Variants in TENM2 observed in about 807,000 individuals in gnomAD.
The protein encoded by TENM2 is teneurin transmembrane protein 2, also known as teneurin-2.
Under a neutral mutation model 245.2 loss-of-function variants are expected in TENM2, and 52 were observed. The observed-to-expected ratio is 0.21, with a 90% confidence interval of 0.17 to 0.27. The LOEUF (loss-of-function observed/expected upper bound fraction) is 0.27, where lower values mean the gene tolerates loss of function less well. Among genes scored for constraint, TENM2 ranks in the 10% least tolerant of loss-of-function variants. TENM2 has a pLI of 1.00. For missense variants in TENM2, 3,046 were observed against 3,666.8 expected, an observed-to-expected ratio of 0.83 and a Z score of 4.37; for synonymous variants, 1,363 against 1,438.9, an observed-to-expected ratio of 0.95 and a Z score of 1.19.
intron 1 of TENM2, among the ~76,000 whole-genome samples, chr5:167,357,729 T>G (rs970509632): frequency 1.1e-4 from 17 of 152,206 alleles, no homozygotes; most frequent in Non-Finnish European, 4.4e-5. Flanking sequence ...TTCTCATATG[T>G]TTTTGAAGTT....
At chr5:168,226,310 C>A in intron 24 of TENM2, 47 bp downstream of exon 26, 1 of 1,565,982 alleles carries the variant, frequency 6.4e-7, no homozygotes, top group South Asian at 1.2e-5. Context: ...ACCCATAGAC[C>A]CAGAACCCAG....
At chr5:167,475,245 G>GT (rs1767296038) in intron 2 of TENM2, among the ~76,000 whole-genome samples, 1 of 152,114 alleles carries the variant, frequency 6.6e-6, no homozygotes, top group South Asian at 2.1e-4. Context: ...AATATCACAT[G>GT]TACCTAGAAC....
chr5:168,084,750 A>G (rs1179800666), intron 7 of TENM2, among the ~76,000 whole-genome samples: 2 of 152,218 alleles, frequency 1.3e-5, no homozygotes, highest in African/African-American at 2.4e-5. Context: ...CAGCTCCCAA[A>G]GCCACTTACA....
chr5:168,218,750 G>A lies in TENM2; in HGVS notation c.4859G>A (p.Ser1620Asn). The A allele has an allele frequency of 1.2e-6, 2 of 1,614,018 alleles. No individual in the cohort carries two copies. The highest frequency in any genetic ancestry group is 1.7e-6 in the Non-Finnish European group (2 of 1,179,896). Residue 1620 changes from serine (S) to asparagine (N), a missense_variant, in exon 23 of 29, where the codon AGT becomes AAT. By Grantham distance (46) the Ser-to-Asn change is conservative. Transcript: ENST00000518659. This position sits in a 1 kb window ranked among gnomAD's most constrained non-coding sequence, Gnocchi z 5.2. ...GAGTACTTGTACAATTTCACATATA[G>A]TACTGACAATGATGTCACTGAATTG...
At chr5:167,117,372 G>A in the TENM2 span, among the ~76,000 whole-genome samples, 2 of 152,048 alleles carry the variant, frequency 1.3e-5, no homozygotes, top group African/African-American at 2.4e-5. Context: ...GTGTGGTGGC[G>A]AGCACCTGTA....
chr5:167,006,895 G>A, the TENM2 span, among the ~76,000 whole-genome samples: 1 of 152,068 alleles, frequency 6.6e-6, no homozygotes, highest in Non-Finnish European at 1.5e-5. Context: ...TTGAACTCCC[G>A]ACCTCAGGTG....
chr5:167,567,538 A>G (rs529838080), intron 2 of TENM2, among the ~76,000 whole-genome samples: 1 of 152,302 alleles, frequency 6.6e-6, no homozygotes, highest in African/African-American at 2.4e-5. Context: ...ATGGGTCAAC[A>G]CAAACTGACT....
the TENM2 span, among the ~76,000 whole-genome samples, chr5:167,162,237 A>G: frequency 6.6e-6 from 1 of 151,950 alleles, no homozygotes; most frequent in Non-Finnish European, 1.5e-5. Context: ...AATCTAAGAT[A>G]GTGATCACTG....
chr5:168,226,008 G>C (rs1453936064), intron 23 of TENM2, 80 bp from the exon 26 acceptor site: 3 of 1,347,034 alleles, frequency 2.2e-6, no homozygotes, highest in Non-Finnish European at 3.0e-6. Context: ...TCTTTCTCTG[G>C]CCCTGTGAGT....
intron 2 of TENM2, among the ~76,000 whole-genome samples, chr5:167,760,407 A>G (rs955305966): frequency 6.6e-6 from 1 of 152,200 alleles, no homozygotes; most frequent in Non-Finnish European, 1.5e-5. Flanking sequence ...GAGGAAGTGC[A>G]TGGTGCTCTG....
chr5:167,400,486 A>G (rs1041649655), intron 2 of TENM2, among the ~76,000 whole-genome samples: 1 of 152,098 alleles, frequency 6.6e-6, no homozygotes, highest in Non-Finnish European at 1.5e-5. Flanking sequence ...TATGAAGTAT[A>G]TATTTTCTTG....
intron 1 of TENM2, chr5:167,287,354 C>T (rs1315564063): frequency 6.6e-6 from 1 of 152,098 alleles, no homozygotes; most frequent in Non-Finnish European, 1.5e-5. Context: ...TTTTCTTATT[C>T]ATGAAATCAA....
chr5:167,405,704 A>G (rs1488173807), intron 2 of TENM2, among the ~76,000 whole-genome samples: 2 of 151,220 alleles, frequency 1.3e-5, no homozygotes. Context: ...TCACCCTGTA[A>G]TTTTAGGACA....
At chr5:167,937,251 A>T (rs1434761814) in intron 3 of TENM2, among the ~76,000 whole-genome samples, 1 of 152,224 alleles carries the variant, frequency 6.6e-6, no homozygotes, top group African/African-American at 2.4e-5. Context: ...TATATGAATT[A>T]CTATACTTTG....
chr5:167,155,794 A>G, the TENM2 span, among the ~76,000 whole-genome samples: 1 of 152,262 alleles, frequency 6.6e-6, no homozygotes, highest in Non-Finnish European at 1.5e-5. Context: ...AGTGAAAAGC[A>G]GGAAGCAACG....
intron 2 of TENM2, among the ~76,000 whole-genome samples, chr5:167,707,044 G>A (rs1388523566): frequency 2.1e-5 from 3 of 145,104 alleles, no homozygotes; most frequent in Non-Finnish European, 3.0e-5. Context: ...AAAAAGGGTT[G>A]CCCTTTCTCC....
chr5:167,284,557 A>C (rs551520894), upstream of TENM2, among the ~76,000 whole-genome samples: 11 of 151,704 alleles, frequency 7.3e-5, no homozygotes, highest in African/African-American at 2.7e-4. Context: ...AAATCTATTA[A>C]ATTAAACAGC....
intron 2 of TENM2, among the ~76,000 whole-genome samples, chr5:167,431,954 T>C (rs905139483): frequency 3.7e-5 from 2 of 53,964 alleles, no homozygotes; most frequent in African/African-American, 5.3e-5. Context: ...TATATGTATA[T>C]ATATATGTAT....
At chr5:167,210,475 G>A in the TENM2 span, among the ~76,000 whole-genome samples, 1 of 28,114 alleles carries the variant, frequency 3.6e-5, no homozygotes, top group Non-Finnish European at 6.2e-5. Flanking sequence ...TTTTTTTTTT[G>A]AGACGGAGTC....
Sources: gnomAD v4.1 joint callset for allele counts (sites outside exome capture counted in the v4.1 genomes callset) on GRCh38, gnomAD v4.1.1 for gene constraint, Gnocchi (gnomAD v3.1) non-coding constraint, MANE v1.5 for transcripts, NCBI Gene and HGNC (gene_info 2026-07-23, HGNC 2026-07-21) for gene names.